SLC9A9: variants seen among roughly 807,000 people sequenced by gnomAD.
SLC9A9 encodes solute carrier family 9 member A9, also known as sodium/hydrogen exchanger 9.
In SLC9A9, 62 loss-of-function variants were observed where a neutral mutation model predicts 77.8. The ratio of observed to expected loss-of-function variants is 0.80; its 90% CI spans 0.65 to 0.98. The LOEUF (loss-of-function observed/expected upper bound fraction) is 0.98. SLC9A9 is among the 50% of genes least tolerant of loss of function. The pLI is 0.00. For synonymous variants in SLC9A9, 320 were observed against 283.5 expected, an observed-to-expected ratio of 1.13 and a Z score of -1.29; for missense variants, 775 against 774.9, an observed-to-expected ratio of 1.00 and a Z score of 0.00.
chr3:143,326,392 C>G (rs867288106), intron 14 of SLC9A9, among the ~76,000 whole-genome samples: 9 of 152,176 alleles, frequency 5.9e-5, no homozygotes, highest in Admixed American at 5.2e-4. Flanking sequence ...CTTAACTTTG[C>G]CTGCCGGCCC....
At chr3:143,530,650 AAAC>A (rs1419214023) in intron 9 of SLC9A9, among the ~76,000 whole-genome samples, 1 of 144,310 alleles carries the variant, frequency 6.9e-6, no homozygotes, top group East Asian at 1.9e-4. Context: ...AAACAAAACA[AAAC>A]AAAACAAACA....
Position 143,848,258 on chromosome 3 carries a change from A to T in SLC9A9, c.65T>A (p.Val22Glu), listed in dbSNP as rs559067786. The change falls in exon 1 of 16, where the codon GTG becomes GAG. Residue 22 changes from valine (V) to glutamate (E), a missense_variant. Transcript: ENST00000316549. ...CAAAAAATTGAAGACAAGCAGCTCC[A>T]CCGCTCCCTGATGTTGAAACTGATA... ...DEYQFQHQGA[V>E]ELLVFNFLLI... is the part of the protein sequence containing the mutation. 27 of 1,614,002 alleles carry T rather than the reference A, an allele frequency of 1.7e-5. No individual in the cohort carries two copies. The South Asian group carries it at 3.0e-4, about 18-fold the overall frequency.
chr3:143,418,749 A>C (rs2034244498), intron 12 of SLC9A9, among the ~76,000 whole-genome samples: 1 of 152,120 alleles, frequency 6.6e-6, no homozygotes, highest in African/African-American at 2.4e-5. Context: ...TTGAGTGCCA[A>C]TTTCAGTCTT....
At position 143,534,588 on chromosome 3, in the gene SLC9A9, G is replaced by A. The variant is rs116746469; in HGVS notation, c.1089+17774C>T. Among the ~76,000 whole-genome samples the A allele has an allele frequency of 5.6e-3, 859 of 152,272 alleles. 8 individuals carry two copies. The highest frequency in any genetic ancestry group is 0.02 in the African/African-American group (822 of 41,542). On this transcript the variant is annotated intron_variant, in intron 9 of 15. Coordinates refer to ENST00000316549, the MANE Select transcript of SLC9A9 (RefSeq NM_173653.4). Reference sequence around the variant, plus strand: ...CCACTGGCTGATGTTAAGCTTCAGGGCATTTTGATACACAAGGTTTGGGTT... The same window carrying A: ...CCACTGGCTGATGTTAAGCTTCAGGACATTTTGATACACAAGGTTTGGGTT...
At chr3:143,417,174 T>C (rs370020585) in intron 12 of SLC9A9, among the ~76,000 whole-genome samples, 5 of 152,106 alleles carry the variant, frequency 3.3e-5, no homozygotes, top group African/African-American at 1.2e-4. Context: ...GGAGTCTGCC[T>C]TCAACAGGAG....
chr3:143,467,336 G>A, intron 11 of SLC9A9, 146 bp from the exon 12 acceptor site: 1 of 978,640 alleles, frequency 1.0e-6, no homozygotes, highest in South Asian at 1.6e-5. Context: ...AGAGTTGTAA[G>A]AAATAAAACA....
intron 4 of SLC9A9, among the ~76,000 whole-genome samples, chr3:143,783,123 CCT>C (rs2007936024): frequency 6.6e-6 from 1 of 152,136 alleles, no homozygotes; most frequent in Non-Finnish European, 1.5e-5. Flanking sequence ...AAGCGCATAT[CCT>C]CTGTTTAGCA....
chr3:143,518,046 T>G (rs2036232972), intron 9 of SLC9A9: 6 of 1,463,406 alleles, frequency 4.1e-6, no homozygotes, highest in South Asian at 1.1e-5. Context: ...ACCTTCTTAC[T>G]GTCAGGTTTT....
intron 4 of SLC9A9, among the ~76,000 whole-genome samples, chr3:143,735,861 G>A (rs751952117): frequency 6.6e-6 from 1 of 152,222 alleles, no homozygotes; most frequent in Non-Finnish European, 1.5e-5. Context: ...CATTGAGCAA[G>A]CTACTTAGCC....
chr3:143,732,199 C>T (rs1313284630), intron 4 of SLC9A9, among the ~76,000 whole-genome samples: 3 of 152,220 alleles, frequency 2.0e-5, no homozygotes, highest in African/African-American at 7.2e-5. Context: ...CAGGTAAGCA[C>T]ACTGTGCCAT....
intron 6 of SLC9A9, among the ~76,000 whole-genome samples, chr3:143,608,694 A>T (rs1269942407): frequency 6.6e-6 from 1 of 152,184 alleles, no homozygotes; most frequent in Non-Finnish European, 1.5e-5. Flanking sequence ...AAAATATAGA[A>T]ATCTGTTATA....
At chr3:143,794,793 A>G (rs2008328602) in intron 4 of SLC9A9, among the ~76,000 whole-genome samples, 1 of 152,204 alleles carries the variant, frequency 6.6e-6, no homozygotes. Flanking sequence ...ACTCACAGAG[A>G]AAGTCCAGCA....
In SLC9A9 at chr3:143,832,223, T is replaced by TAA; in HGVS notation, c.176-4_176-3dup. 2.1e-6 allele frequency: 3 copies of TAA among 1,421,510 alleles called. No individual in the cohort carries two copies. The highest frequency in any genetic ancestry group is 1.9e-6 in the Non-Finnish European group (2 of 1,041,602). 88.1% of individuals were successfully genotyped at this position (1,421,510 alleles called of 1,614,324 possible). A position where few individuals can be genotyped will look rare whatever the true frequency, so the allele number is the denominator to read the frequency against. On this transcript the variant is annotated splice_polypyrimidine_tract_variant and splice_region_variant and intron_variant, in intron 1 of 15. Coordinates refer to ENST00000316549, the MANE Select transcript of SLC9A9 (RefSeq NM_173653.4). ...GTAAAATTAGTCCCATTATAAGGCC[T>TAA]AAAAAAAAAAGAATAAATAATGGTA...
At chr3:143,373,794 A>G (rs2033112237) in intron 13 of SLC9A9, among the ~76,000 whole-genome samples, 1 of 152,086 alleles carries the variant, frequency 6.6e-6, no homozygotes, top group Non-Finnish European at 1.5e-5. Flanking sequence ...CAAGATTAAA[A>G]TAGACTAATA....
At chr3:143,299,685 C>T (rs1014652899) in intron 14 of SLC9A9, among the ~76,000 whole-genome samples, 4 of 152,110 alleles carry the variant, frequency 2.6e-5, no homozygotes, top group Admixed American at 6.5e-5. Context: ...CCTCTTGATC[C>T]GCCTGCCTTG....
At chr3:143,404,703 G>A (rs2033939366) in intron 12 of SLC9A9, among the ~76,000 whole-genome samples, 1 of 152,034 alleles carries the variant, frequency 6.6e-6, no homozygotes, top group African/African-American at 2.4e-5. Flanking sequence ...ATACACTGTA[G>A]CAATTTTGGA....
At chr3:143,502,839 T>C (rs2035948367) in intron 9 of SLC9A9, among the ~76,000 whole-genome samples, 1 of 152,226 alleles carries the variant, frequency 6.6e-6, no homozygotes, top group Admixed American at 6.5e-5. Context: ...TTGGCTTATA[T>C]TTTCATTTTA....
chr3:143,429,198 T>C (rs1559912028), intron 12 of SLC9A9, among the ~76,000 whole-genome samples: 1 of 152,292 alleles, frequency 6.6e-6, no homozygotes, highest in East Asian at 1.9e-4. Context: ...AAAAAGAAAT[T>C]ACCCCTCCCA....
chr3:143,524,469 A>G (rs528471091), intron 9 of SLC9A9, among the ~76,000 whole-genome samples: 2 of 152,276 alleles, frequency 1.3e-5, no homozygotes, highest in South Asian at 4.2e-4. Flanking sequence ...ATAAACAGAG[A>G]AGATCGTGCC....
Sources: gnomAD v4.1 joint callset for allele counts (sites outside exome capture counted in the v4.1 genomes callset) on GRCh38, gnomAD v4.1.1 for gene constraint, MANE v1.5 for transcripts, NCBI Gene and HGNC (gene_info 2026-07-23, HGNC 2026-07-21) for gene names.